Variants in BMPR1A observed in about 807,000 individuals in gnomAD.
BMPR1A encodes bone morphogenetic protein receptor type-1A.
In BMPR1A, 7 loss-of-function variants were observed where a neutral mutation model predicts 66.0. That is an observed-to-expected ratio of 0.11 (90% CI 0.06 to 0.20). The LOEUF is 0.20. Ranked by LOEUF, BMPR1A falls within the 10% of genes least tolerant of loss-of-function variation. The pLI is 1.00. For synonymous variants in BMPR1A, 200 were observed against 229.7 expected, an observed-to-expected ratio of 0.87 and a Z score of 1.17; for missense variants, 408 against 669.1, an observed-to-expected ratio of 0.61 and a Z score of 4.31.
chr10:86,848,496 T>C (rs1842518009), intron 2 of BMPR1A, among the ~76,000 whole-genome samples: 1 of 152,144 alleles, frequency 6.6e-6, no homozygotes, highest in African/African-American at 2.4e-5. Context: ...GATATTGAAC[T>C]TTCTAGATAA....
downstream of BMPR1A, chr10:86,931,346 T>A (rs1293817437): frequency 6.9e-6 from 1 of 145,112 alleles, no homozygotes; most frequent in Non-Finnish European, 1.5e-5. Context: ...TTGGGCCCCC[T>A]TGTTTTTCTT....
At chr10:86,779,582 C>T (rs1016166120) in intron 1 of BMPR1A, among the ~76,000 whole-genome samples, 3 of 152,060 alleles carry the variant, frequency 2.0e-5, no homozygotes, top group African/African-American at 7.3e-5. Flanking sequence ...TTGCATTTCC[C>T]TGATGATTAG....
At chr10:86,811,974 G>A (rs1158169240) in intron 1 of BMPR1A, among the ~76,000 whole-genome samples, 4 of 151,726 alleles carry the variant, frequency 2.6e-5, no homozygotes, top group African/African-American at 7.3e-5. Context: ...CTGGCTGTTC[G>A]GGAGGCTGAG....
intron 1 of BMPR1A, among the ~76,000 whole-genome samples, chr10:86,834,634 A>G (rs1842315831): frequency 6.6e-6 from 1 of 152,210 alleles, no homozygotes; most frequent in African/African-American, 2.4e-5. Context: ...CAACCCATTC[A>G]TGAGTTGACC....
At chr10:86,783,278 A>C (rs1282610795) in intron 1 of BMPR1A, among the ~76,000 whole-genome samples, 4 of 152,218 alleles carry the variant, frequency 2.6e-5, no homozygotes, top group African/African-American at 9.6e-5. Flanking sequence ...GAAATCAGAA[A>C]GTGTGAAGCC....
chr10:86,814,587 C>G, intron 1 of BMPR1A, among the ~76,000 whole-genome samples: 1 of 152,008 alleles, frequency 6.6e-6, no homozygotes, highest in East Asian at 1.9e-4. Context: ...CATGTTCTCA[C>G]ATTTCTGAGT....
At chr10:86,775,791 G>C (rs1227806168) in intron 1 of BMPR1A, among the ~76,000 whole-genome samples, 1 of 152,034 alleles carries the variant, frequency 6.6e-6, no homozygotes, top group Non-Finnish European at 1.5e-5. Context: ...TGTTGTTACT[G>C]TATGTATCTT....
intron 7 of BMPR1A, among the ~76,000 whole-genome samples, chr10:86,904,214 T>C (rs772554316): frequency 2.0e-5 from 3 of 152,232 alleles, no homozygotes; most frequent in Non-Finnish European, 4.4e-5. Flanking sequence ...TTTTCAAATT[T>C]AATGAAAACC....
chr10:86,813,044 A>G (rs969687653), intron 1 of BMPR1A, among the ~76,000 whole-genome samples: 1 of 152,128 alleles, frequency 6.6e-6, no homozygotes, highest in South Asian at 2.1e-4. Context: ...GAAATGTCAT[A>G]TAGTTGGAAT....
At chr10:86,799,507 T>TTCC (rs1218527339) in intron 1 of BMPR1A, among the ~76,000 whole-genome samples, 878 of 43,916 alleles carry the variant, frequency 0.02, 9 homozygotes, top group African/African-American at 0.07. Flanking sequence ...CCTTCCTTCC[T>TTCC]TTCTTTTCTT....
chr10:86,840,123 A>G (rs1842405007), intron 2 of BMPR1A, among the ~76,000 whole-genome samples: 2 of 152,212 alleles, frequency 1.3e-5, no homozygotes, highest in Admixed American at 1.3e-4. Context: ...TTAGAGACTA[A>G]TGATCAGGTA....
chr10:86,780,031 G>A (rs1421636674), intron 1 of BMPR1A, among the ~76,000 whole-genome samples: 4 of 152,036 alleles, frequency 2.6e-5, no homozygotes, highest in South Asian at 2.1e-4. Context: ...TTGGCCTCCC[G>A]AACGCTGGGA....
intron 7 of BMPR1A, among the ~76,000 whole-genome samples, chr10:86,903,333 G>T (rs1158821104): frequency 1.3e-5 from 2 of 151,950 alleles, no homozygotes; most frequent in Non-Finnish European, 2.9e-5. Context: ...TCAAGACATG[G>T]CAGATTTTGT....
chr10:86,794,014 T>C (rs1405488460), intron 1 of BMPR1A, among the ~76,000 whole-genome samples: 1 of 152,178 alleles, frequency 6.6e-6, no homozygotes, highest in Admixed American at 6.5e-5. Context: ...AGAAGTTCTC[T>C]GCTTTTAAGG....
intron 1 of BMPR1A, among the ~76,000 whole-genome samples, chr10:86,789,367 G>T (rs1293069552): frequency 1.3e-5 from 2 of 152,128 alleles, no homozygotes; most frequent in Non-Finnish European, 2.9e-5. Flanking sequence ...TAGAATGGGA[G>T]AAAATACTGT....
chr10:86,770,768 T>C (rs1003505465), intron 1 of BMPR1A, among the ~76,000 whole-genome samples: 5 of 152,228 alleles, frequency 3.3e-5, no homozygotes, highest in African/African-American at 1.2e-4. Context: ...ATAGGAACTT[T>C]TCAAGATCTC....
At chr10:86,874,632 C>A (rs1431512704) in intron 2 of BMPR1A, among the ~76,000 whole-genome samples, 1 of 151,070 alleles carries the variant, frequency 6.6e-6, no homozygotes, top group Non-Finnish European at 1.5e-5. Context: ...TGGTCTCGAT[C>A]TCCTGACCTC....
chr10:86,823,405 A>G (rs1413808817), intron 1 of BMPR1A, among the ~76,000 whole-genome samples: 4 of 152,234 alleles, frequency 2.6e-5, no homozygotes, highest in Non-Finnish European at 5.9e-5. Context: ...AGGTTAAACA[A>G]CTTGGTCAAA....
At chr10:86,822,555 C>T (rs1842134440) in intron 1 of BMPR1A, among the ~76,000 whole-genome samples, 1 of 152,104 alleles carries the variant, frequency 6.6e-6, no homozygotes, top group African/African-American at 2.4e-5. Flanking sequence ...CCCAAATCTA[C>T]CATGTATTAA....
Sources: gnomAD v4.1 joint callset for allele counts (sites outside exome capture counted in the v4.1 genomes callset) on GRCh38, gnomAD v4.1.1 for gene constraint, MANE v1.5 for transcripts, NCBI Gene and HGNC (gene_info 2026-07-23, HGNC 2026-07-21) for gene names.